Variants in PLA2G7 observed in about 807,000 individuals in gnomAD.
The protein encoded by PLA2G7 is platelet-activating factor acetylhydrolase.
A neutral mutation model predicts 49.6 loss-of-function variants in PLA2G7; 63 were observed. The ratio of observed to expected loss-of-function variants is 1.27; its 90% CI spans 1.04 to 1.57. The LOEUF is 1.57. Ranked by LOEUF, PLA2G7 falls within the 40% of genes most tolerant of loss-of-function variation. The pLI is 0.00. For synonymous variants in PLA2G7, 193 were observed against 169.9 expected, an observed-to-expected ratio of 1.14 and a Z score of -1.06; for missense variants, 596 against 521.2, an observed-to-expected ratio of 1.14 and a Z score of -1.40.
At chr6:46,734,463 A>ACG (rs1765845263) in intron 1 of PLA2G7, among the ~76,000 whole-genome samples, 2 of 128,954 alleles carry the variant, frequency 1.6e-5, no homozygotes, top group Admixed American at 7.6e-5. Flanking sequence ...AGAGAGAGAG[A>ACG]GAGAGAGAGA....
chr6:46,718,445 T>A (rs1021835576), intron 2 of PLA2G7, among the ~76,000 whole-genome samples: 1 of 152,194 alleles, frequency 6.6e-6, no homozygotes, highest in African/African-American at 2.4e-5. Context: ...ACAAGTTAAA[T>A]CCCAAGTTTC....
intron 1 of PLA2G7, among the ~76,000 whole-genome samples, chr6:46,723,944 A>C (rs976301679): frequency 1.5e-4 from 23 of 152,064 alleles, no homozygotes; most frequent in African/African-American, 5.6e-4. Context: ...CTGCAATCAC[A>C]CTTGCTTCTT....
intron 1 of PLA2G7, among the ~76,000 whole-genome samples, chr6:46,725,520 G>A (rs1020398682): frequency 2.6e-5 from 4 of 151,982 alleles, no homozygotes; most frequent in African/African-American, 7.3e-5. Flanking sequence ...ATCAGCCGCC[G>A]TGTCCAGCCA....
chr6:46,726,136 C>T (rs957154505), intron 1 of PLA2G7, among the ~76,000 whole-genome samples: 1 of 152,184 alleles, frequency 6.6e-6, no homozygotes, highest in Non-Finnish European at 1.5e-5. Flanking sequence ...GGTAAGAGGA[C>T]CCTTCCCTGA....
In PLA2G7 at chr6:46,716,457, T is replaced by A. The variant is rs753624242; in HGVS notation, c.303A>T (p.Lys101Asn). ...ATTTGCTAAGACCCCAAAAATATTCTTTATTTGGGATCCAAAGGGTGTCAA... is the reference window on the plus strand; with the variant it reads ...ATTTGCTAAGACCCCAAAAATATTCATTATTTGGGATCCAAAGGGTGTCAA... ...DRLDTLWIPN[K>N]EYFWGLSKFL... Residue 101 changes from lysine to asparagine, a missense_variant, in exon 4 of 12, where the codon AAA becomes AAT. Coordinates refer to ENST00000274793, the MANE Select transcript of PLA2G7 (RefSeq NM_005084.4). 6.2e-7 allele frequency: 1 copy of A among 1,614,044 alleles called. No individual in the cohort carries two copies. The highest frequency in any genetic ancestry group is 1.1e-5 in the South Asian group (1 of 91,082).
At chr6:46,723,051 T>C in intron 1 of PLA2G7, 126 bp from the exon 2 acceptor site, 1 of 638,454 alleles carries the variant, frequency 1.6e-6, no homozygotes, top group South Asian at 1.7e-5. Flanking sequence ...TTTTCTGTGC[T>C]GGGTTTTAGA....
At chr6:46,729,782 C>T (rs1420055760) in intron 1 of PLA2G7, among the ~76,000 whole-genome samples, 1 of 152,118 alleles carries the variant, frequency 6.6e-6, no homozygotes, top group Non-Finnish European at 1.5e-5. Context: ...AATAGCACAC[C>T]CCAGTTGTGG....
In PLA2G7 at chr6:46,719,183, C is replaced by T. The variant is rs1765313602; in HGVS notation, c.110-2087G>A. ...GATGGTGGGAGTTGATTACTCTCTG[C>T]TAGCCAGCTATCAAGAGCTATGTTA... On this transcript the variant is annotated intron_variant, in intron 2 of 11. Transcript: ENST00000274793. Among the ~76,000 whole-genome samples the T allele has an allele frequency of 3.3e-5, 5 of 152,334 alleles. 1 individual carries two copies. In the South Asian group the frequency reaches 1.0e-3, roughly 32 times the overall value.
Position 46,704,439 on chromosome 6 carries a change from A to C in PLA2G7, c.*121T>G, listed in dbSNP as rs1764714103. The C allele has an allele frequency of 3.0e-6, 2 of 670,178 alleles. No individual in the cohort carries two copies. The highest frequency in any genetic ancestry group is 2.8e-5 in the East Asian group (1 of 35,380). 41.5% of individuals were successfully genotyped at this position (670,178 alleles called of 1,614,324 possible). Reference sequence around the variant, plus strand: ...TGAGTCCTTTGGGAAAATACATTAAAATTCTCTCTCTCTCTCTCTCTCTCT... The same window carrying C: ...TGAGTCCTTTGGGAAAATACATTAACATTCTCTCTCTCTCTCTCTCTCTCT... On this transcript the variant is annotated 3_prime_UTR_variant, in exon 12 of 12. Transcript: ENST00000274793.
intron 2 of PLA2G7, among the ~76,000 whole-genome samples, chr6:46,722,580 T>C (rs1765434866): frequency 6.6e-6 from 1 of 152,210 alleles, no homozygotes; most frequent in Non-Finnish European, 1.5e-5. Context: ...GCAGTCCTGA[T>C]ACTGAAGAAC....
At chr6:46,705,663 G>C (rs567855882) in intron 10 of PLA2G7, among the ~76,000 whole-genome samples, 3 of 152,300 alleles carry the variant, frequency 2.0e-5, no homozygotes, top group Admixed American at 1.3e-4. Context: ...CCTGCTACCT[G>C]CCCTCACCAC....
At chr6:46,716,803 A>G (rs1209424772) in intron 3 of PLA2G7, among the ~76,000 whole-genome samples, 172 bp downstream of exon 3, 1 of 152,254 alleles carries the variant, frequency 6.6e-6, no homozygotes, top group Non-Finnish European at 1.5e-5. Context: ...TCAGACAATA[A>G]CAAAGAATTG....
At chr6:46,725,720 A>G (rs1217423688) in intron 1 of PLA2G7, among the ~76,000 whole-genome samples, 1 of 152,234 alleles carries the variant, frequency 6.6e-6, no homozygotes, top group East Asian at 1.9e-4. Context: ...AAATCCAAAC[A>G]TAACAGAAAA....
At chr6:46,723,001 G>C in intron 1 of PLA2G7, 76 bp from the exon 2 acceptor site, 1 of 714,158 alleles carries the variant, frequency 1.4e-6, no homozygotes, top group Non-Finnish European at 2.6e-6. Flanking sequence ...ATCAAGAAAG[G>C]CTGAGGTACT....
chr6:46,722,813 T>G lies in PLA2G7; in HGVS notation c.79A>C (p.Ile27Leu). Residue 27 changes from isoleucine to leucine, a missense_variant, in exon 2 of 12, where the codon ATA becomes CTA. By Grantham distance (5) the Ile-to-Leu change is conservative. Transcript: ENST00000274793. ...GATTTCATATGGGCAACAGGATTTATGTATTGCCAGTCAAAAGGATAAACC... is the reference window on the plus strand; with the variant it reads ...GATTTCATATGGGCAACAGGATTTAGGTATTGCCAGTCAAAAGGATAAACC... ...AVVYPFDWQYINPVAHMKSSA... is the reference protein window; with the variant it reads ...AVVYPFDWQYLNPVAHMKSSA... 1.9e-6 allele frequency: 3 copies of G among 1,611,682 alleles called. No individual in the cohort carries two copies. In the South Asian group the frequency reaches 3.3e-5, roughly 18 times the overall value.
At chr6:46,718,319 T>C (rs1765283513) in intron 2 of PLA2G7, among the ~76,000 whole-genome samples, 1 of 152,222 alleles carries the variant, frequency 6.6e-6, no homozygotes, top group Admixed American at 6.5e-5. Flanking sequence ...GAAGGCAGTT[T>C]GTAGGAGGAA....
At chr6:46,717,991 C>T (rs751043015) in intron 2 of PLA2G7, among the ~76,000 whole-genome samples, 11 of 152,192 alleles carry the variant, frequency 7.2e-5, no homozygotes, top group Admixed American at 1.3e-4. Flanking sequence ...GCTGGGTTTA[C>T]AGGCGTGAAC....
At chr6:46,724,873 A>T (rs891940192) in intron 1 of PLA2G7, among the ~76,000 whole-genome samples, 60 of 152,222 alleles carry the variant, frequency 3.9e-4, no homozygotes, top group Admixed American at 1.1e-3. Flanking sequence ...AGCATGGCCT[A>T]TCCTGATTAT....
In PLA2G7 at chr6:46,723,491, C is replaced by A. The variant is rs185064916; in HGVS notation, c.-34-566G>T. On this transcript the variant is annotated intron_variant, in intron 1 of 11. Coordinates refer to ENST00000274793, the MANE Select transcript of PLA2G7 (RefSeq NM_005084.4). ...TGTTGTCTCAGTGCCTAATAGAGGG[C>A]CTGGAAGAAGTAGTATTGCATAGAT... Among the ~76,000 whole-genome samples the A allele has an allele frequency of 4.0e-4, 61 of 152,068 alleles. No individual in the cohort carries two copies. The East Asian group carries it at 9.3e-3, about 23-fold the overall frequency.
Sources: allele counts gnomAD v4.1 joint callset (sites outside exome capture counted in the v4.1 genomes callset), GRCh38; gene constraint gnomAD v4.1.1; transcripts MANE v1.5; gene names NCBI Gene and HGNC (gene_info 2026-07-23, HGNC 2026-07-21).